SLC2A14: variants seen among roughly 807,000 people sequenced by gnomAD.
The protein encoded by SLC2A14 is solute carrier family 2 member 14, also known as solute carrier family 2, facilitated glucose transporter member 14.
A neutral mutation model predicts 43.0 loss-of-function variants in SLC2A14; 13 were observed. That is an observed-to-expected ratio of 0.30 (90% CI 0.20 to 0.48). SLC2A14 has a LOEUF of 0.48. SLC2A14 is among the 20% of genes least tolerant of loss of function. The pLI, the probability that SLC2A14 is intolerant of heterozygous loss-of-function variation, is 0.99. For synonymous variants in SLC2A14, 190 were observed against 233.8 expected (o/e 0.81, Z 1.71); for missense variants, 428 against 620.4 (o/e 0.69, Z 3.29).
intron 2 of SLC2A14, among the ~76,000 whole-genome samples, chr12:7,849,229 G>A (rs57223122): frequency 0.03 from 4,606 of 152,202 alleles, 223 homozygotes; most frequent in African/African-American, 0.1. Context: ...TACATTGGGC[G>A]TGGTGGCTCA....
chr12:7,857,147 G>A (rs1019336851), intron 2 of SLC2A14, among the ~76,000 whole-genome samples: 1 of 152,068 alleles, frequency 6.6e-6, no homozygotes, highest in Non-Finnish European at 1.5e-5. Context: ...CTACTCGGGA[G>A]GCTGAGGCAG....
intron 2 of SLC2A14, among the ~76,000 whole-genome samples, chr12:7,846,621 T>A (rs971380122): frequency 6.8e-6 from 1 of 147,188 alleles, no homozygotes; most frequent in African/African-American, 2.5e-5. Flanking sequence ...GTGGTTACAA[T>A]GTGAATATTC....
rs777753400 is a variant in SLC2A14 at position 7,830,005 on chromosome 12, G to T, written c.274C>A (p.Arg92Ser). Residue 92 changes from arginine (R) to serine (S), a missense_variant and splice_region_variant, in exon 5 of 11, where the codon CGC becomes AGC. By Grantham distance (110) the Arg-to-Ser change is moderately radical. Transcript: ENST00000431042. ...VGLFVNRFGR[R>S]NSMLIVNLLA... ...AGGTTGACAATCAGCATTGAATTGC[G>T]CCTGTAAGGTTAATCAAAGACAACA... The T allele has an allele frequency of 9.9e-6, 16 of 1,614,000 alleles. No homozygotes were observed. Among genetic ancestry groups the T allele is most frequent in the Middle Eastern group, 3.3e-4 (2 of 6,084 alleles).
intron 2 of SLC2A14, among the ~76,000 whole-genome samples, chr12:7,843,337 C>T (rs1410841362): frequency 2.0e-5 from 3 of 148,326 alleles, no homozygotes; most frequent in Non-Finnish European, 4.5e-5. Flanking sequence ...GTGGGAATGT[C>T]ACAGGCGCTG....
intron 2 of SLC2A14, among the ~76,000 whole-genome samples, chr12:7,845,057 G>A (rs1287201664): frequency 5.3e-5 from 8 of 152,114 alleles, no homozygotes; most frequent in Middle Eastern, 3.4e-3. Context: ...TGTGAATTAC[G>A]ACTAGAAACT....
intron 2 of SLC2A14, among the ~76,000 whole-genome samples, chr12:7,854,078 G>A (rs1239370648): frequency 6.6e-6 from 1 of 151,806 alleles, no homozygotes; most frequent in African/African-American, 2.4e-5. Context: ...CTTGATCTTG[G>A]CCAAAAGACT....
chr12:7,858,183 G>A (rs1944355669), intron 2 of SLC2A14, among the ~76,000 whole-genome samples: 1 of 151,846 alleles, frequency 6.6e-6, no homozygotes, highest in South Asian at 2.1e-4. Context: ...ATTCCCTATT[G>A]AACCTATACC....
At chr12:7,879,098 A>C (rs1945519037) in intron 1 of SLC2A14, among the ~76,000 whole-genome samples, 1 of 150,242 alleles carries the variant, frequency 6.7e-6, no homozygotes, top group African/African-American at 2.4e-5. Context: ...AGACAGCATT[A>C]TCTTATAACT....
At chr12:7,873,983 T>C (rs1451690653), upstream of SLC2A14, among the ~76,000 whole-genome samples, 1 of 152,182 alleles carries the variant, frequency 6.6e-6, no homozygotes, top group Non-Finnish European at 1.5e-5. Context: ...TAAAAGGGTC[T>C]ATACTGCACT....
intron 2 of SLC2A14, among the ~76,000 whole-genome samples, chr12:7,862,967 G>A (rs1205824317): frequency 2.0e-5 from 3 of 152,114 alleles, no homozygotes; most frequent in Non-Finnish European, 4.4e-5. Context: ...TCAGCAGGAT[G>A]TGGGTGGGGC....
chr12:7,879,218 GT>G (rs1170509376), intron 1 of SLC2A14, among the ~76,000 whole-genome samples: 1 of 150,784 alleles, frequency 6.6e-6, no homozygotes. Flanking sequence ...AATAAATGCA[GT>G]ACTCATTATT....
At chr12:7,827,873 G>C (rs1482142476) in intron 6 of SLC2A14, among the ~76,000 whole-genome samples, 191 bp from the exon 7 acceptor site, 2 of 152,142 alleles carry the variant, frequency 1.3e-5, no homozygotes, top group African/African-American at 4.8e-5. Flanking sequence ...CAGTGCGGTG[G>C]CTCGTGCCTG....
intron 6 of SLC2A14, 74 bp downstream of exon 6, chr12:7,828,630 T>C: frequency 6.8e-7 from 1 of 1,468,528 alleles, no homozygotes; most frequent in Non-Finnish European, 9.4e-7. Flanking sequence ...CGACAGAAAA[T>C]AGATCCAGTA....
intron 2 of SLC2A14, among the ~76,000 whole-genome samples, chr12:7,833,850 G>C (rs1024660401): frequency 2.0e-5 from 3 of 151,682 alleles, no homozygotes; most frequent in Non-Finnish European, 2.9e-5. Flanking sequence ...ACCTTGCCTG[G>C]AATAATTCAG....
At position 7,883,744 on chromosome 12, in the gene SLC2A14, G is replaced by A. The variant is rs759287430; in HGVS notation, c.132+7252C>T. On this transcript the variant is annotated intron_variant, in intron 1 of 9. Coordinates refer to the SLC2A14 transcript ENST00000539924. Reference sequence around the variant, plus strand: ...GATTACAGGCGCCCACCACCACGCCGGGCTAATTTTTTGTGTTTTTAGTAG... The same window carrying A: ...GATTACAGGCGCCCACCACCACGCCAGGCTAATTTTTTGTGTTTTTAGTAG... 4.5e-5 allele frequency among the ~76,000 whole-genome samples: 6 copies of A among 133,656 alleles called. No individual in the cohort carries two copies. In the East Asian group the frequency reaches 9.2e-4, roughly 21 times the overall value. The allele number at this position is 133,656 out of a possible 152,430, so 87.7% of individuals were successfully genotyped here. A position where few individuals can be genotyped will look rare whatever the true frequency, so the allele number is the denominator to read the frequency against.
chr12:7,832,503 T>C (rs980305242), intron 3 of SLC2A14, among the ~76,000 whole-genome samples: 2 of 152,082 alleles, frequency 1.3e-5, no homozygotes, highest in Admixed American at 6.6e-5. Context: ...AGATACAAAG[T>C]TTAATTCCCC....
intron 2 of SLC2A14, among the ~76,000 whole-genome samples, chr12:7,863,791 A>G (rs1287300623): frequency 6.7e-6 from 1 of 148,796 alleles, no homozygotes; most frequent in East Asian, 2.0e-4. Flanking sequence ...TTATCTCCCT[A>G]TATCAACCAT....
At chr12:7,879,870 G>A (rs902897092) in intron 1 of SLC2A14, among the ~76,000 whole-genome samples, 4 of 151,658 alleles carry the variant, frequency 2.6e-5, no homozygotes, top group African/African-American at 7.3e-5. Context: ...GCCAGACATT[G>A]TGGTTCCTGC....
chr12:7,888,295 A>T (rs758410135), intron 1 of SLC2A14, among the ~76,000 whole-genome samples: 1 of 152,192 alleles, frequency 6.6e-6, no homozygotes, highest in Non-Finnish European at 1.5e-5. Context: ...CTGTGACACA[A>T]GCAGTAATGA....
Sources: gnomAD v4.1 joint callset for allele counts (sites outside exome capture counted in the v4.1 genomes callset) on GRCh38, gnomAD v4.1.1 for gene constraint, MANE v1.5 for transcripts, NCBI Gene and HGNC (gene_info 2026-07-23, HGNC 2026-07-21) for gene names.